The following HYDIN variants were observed in gnomAD, a reference collection of about 807,000 sequenced individuals.
HYDIN encodes axonemal central pair apparatus protein HYDIN.
Under a neutral mutation model 403.9 loss-of-function variants are expected in HYDIN, and 132 were observed. The ratio of observed to expected loss-of-function variants is 0.33; its 90% CI spans 0.28 to 0.38. The LOEUF is 0.38. HYDIN is among the 10% of genes least tolerant of loss of function. HYDIN has a pLI of 1.00. For synonymous variants in HYDIN, 1,202 were observed against 1,891.7 expected, an observed-to-expected ratio of 0.64 and a Z score of 9.46; for missense variants, 2,827 against 5,009.5, an observed-to-expected ratio of 0.56 and a Z score of 13.15.
intron 52 of HYDIN, among the ~76,000 whole-genome samples, chr16:70,901,777 G>A (rs1334818787): frequency 1.3e-5 from 2 of 151,912 alleles, no homozygotes; most frequent in African/African-American, 4.8e-5. Context: ...GTACAGACGG[G>A]GTTTCACTGT....
intron 23 of HYDIN, among the ~76,000 whole-genome samples, chr16:71,016,483 C>A (rs866415444): frequency 6.7e-5 from 10 of 149,058 alleles, no homozygotes; most frequent in African/African-American, 2.5e-4. Context: ...GGTGAGGATG[C>A]GGAGAAACTG....
intron 1 of HYDIN, among the ~76,000 whole-genome samples, chr16:71,208,861 T>C (rs1465831444): frequency 6.6e-6 from 1 of 152,162 alleles, no homozygotes; most frequent in Non-Finnish European, 1.5e-5. Flanking sequence ...ATTGAATCCC[T>C]AAACAGACTA....
chr16:70,837,983 G>A (rs1464378920), intron 76 of HYDIN, 95 bp from the exon 77 acceptor site: 22 of 1,381,420 alleles, frequency 1.6e-5, no homozygotes, highest in Non-Finnish European at 2.1e-5. Flanking sequence ...GGACACTGAT[G>A]GGTTTCCTGC....
intron 1 of HYDIN, among the ~76,000 whole-genome samples, chr16:71,200,841 C>T: frequency 6.6e-6 from 1 of 152,172 alleles, no homozygotes; most frequent in East Asian, 1.9e-4. Context: ...CCCTCAGACA[C>T]CCTGGGGAAA....
At chr16:70,955,844 A>T (rs1317079866) in intron 39 of HYDIN, among the ~76,000 whole-genome samples, 1 of 151,780 alleles carries the variant, frequency 6.6e-6, no homozygotes, top group African/African-American at 2.4e-5. Flanking sequence ...TTTGAGATGG[A>T]GTCTCACTCT....
chr16:70,949,613 G>A (rs1464384162), intron 41 of HYDIN, among the ~76,000 whole-genome samples: 1 of 152,160 alleles, frequency 6.6e-6, no homozygotes, highest in South Asian at 2.1e-4. Context: ...TTTGCAACAT[G>A]ACTGAAATAT....
intron 8 of HYDIN, among the ~76,000 whole-genome samples, chr16:71,130,629 AGGCGCCCGCCACCGCGCCC>A (rs1389218961): frequency 6.6e-6 from 1 of 151,218 alleles, no homozygotes; most frequent in East Asian, 1.9e-4. Flanking sequence ...CTGGGACTAC[AGGCGCCCGCCACCGCGCCC>A]GGCTAATTTT....
intron 72 of HYDIN, among the ~76,000 whole-genome samples, chr16:70,855,724 T>C (rs1364104762): frequency 1.3e-5 from 2 of 152,300 alleles, no homozygotes; most frequent in Non-Finnish European, 2.9e-5. Flanking sequence ...ACTAATACAT[T>C]TTCTCTCACT....
At chr16:71,017,167 G>A (rs7203662) in intron 23 of HYDIN, among the ~76,000 whole-genome samples, 21 of 137,330 alleles carry the variant, frequency 1.5e-4, no homozygotes, top group South Asian at 2.4e-4. Context: ...TGGTGAAACC[G>A]CATCTCTACT....
At chr16:71,102,248 C>A (rs1216871594) in intron 10 of HYDIN, among the ~76,000 whole-genome samples, 3 of 151,900 alleles carry the variant, frequency 2.0e-5, no homozygotes, top group African/African-American at 7.3e-5. Context: ...ATGGTAGAGT[C>A]CCATTTCTTA....
At chr16:70,950,921 G>A (rs1294524062) in intron 41 of HYDIN, among the ~76,000 whole-genome samples, 1 of 152,130 alleles carries the variant, frequency 6.6e-6, no homozygotes, top group Non-Finnish European at 1.5e-5. Flanking sequence ...CTGAATGGGA[G>A]CCGCCAGGTC....
chr16:70,994,998 T>C (rs985987626), intron 23 of HYDIN, among the ~76,000 whole-genome samples: 1 of 151,456 alleles, frequency 6.6e-6, no homozygotes, highest in African/African-American at 2.4e-5. Context: ...AGGGTCTTCA[T>C]ACCTGAGGAA....
intron 10 of HYDIN, among the ~76,000 whole-genome samples, chr16:71,109,855 T>G (rs2083749482): frequency 2.7e-5 from 3 of 110,520 alleles, no homozygotes; most frequent in South Asian, 3.3e-4. Flanking sequence ...CCAAGCACAA[T>G]GTCCACAGGG....
intron 23 of HYDIN, among the ~76,000 whole-genome samples, chr16:71,003,519 G>C (rs2079790279): frequency 6.6e-6 from 1 of 151,904 alleles, no homozygotes. Context: ...ATTGAGGTTG[G>C]GTGTGTTGGC....
At chr16:71,048,998 G>C (rs1315682301) in intron 18 of HYDIN, among the ~76,000 whole-genome samples, 1 of 152,214 alleles carries the variant, frequency 6.6e-6, no homozygotes, top group Non-Finnish European at 1.5e-5. Context: ...ATAAATCAAC[G>C]AGTTGAAGCT....
intron 1 of HYDIN, among the ~76,000 whole-genome samples, chr16:71,218,147 C>G (rs1218617145): frequency 6.6e-6 from 1 of 152,152 alleles, no homozygotes; most frequent in Non-Finnish European, 1.5e-5. Context: ...ACTAGCCAAG[C>G]TCCTAGAATT....
chr16:71,145,152 AT>A (rs1282087051), intron 7 of HYDIN, among the ~76,000 whole-genome samples: 5 of 151,554 alleles, frequency 3.3e-5, no homozygotes. Context: ...GAAAAATGCT[AT>A]AAGACAGTTT....
At chr16:71,061,411 G>C (rs555139823) in intron 17 of HYDIN, among the ~76,000 whole-genome samples, 1 of 152,188 alleles carries the variant, frequency 6.6e-6, no homozygotes, top group East Asian at 1.9e-4. Context: ...ACAAAGAAAC[G>C]TAAGGTGACA....
At chr16:70,897,706 A>G (rs1307635822) in intron 53 of HYDIN, among the ~76,000 whole-genome samples, 1 of 151,740 alleles carries the variant, frequency 6.6e-6, no homozygotes, top group Admixed American at 6.6e-5. Flanking sequence ...CAAGTTCACC[A>G]AAGGCTTTCA....
Sources: allele counts gnomAD v4.1 joint callset (sites outside exome capture counted in the v4.1 genomes callset), GRCh38; gene constraint gnomAD v4.1.1; transcripts MANE v1.5; gene names NCBI Gene and HGNC (gene_info 2026-07-23, HGNC 2026-07-21).